The following ROPN1L variants were observed in gnomAD, a reference collection of about 807,000 sequenced individuals.
ROPN1L encodes rhophilin associated tail protein 1 like, also known as ropporin-1-like protein.
ROPN1L carries 23 observed loss-of-function variants against 22.7 expected under a neutral mutation model. The ratio of observed to expected loss-of-function variants is 1.01; its 90% CI spans 0.73 to 1.43. The LOEUF (loss-of-function observed/expected upper bound fraction) is 1.43. Ranked by LOEUF, ROPN1L falls within the 40% of genes most tolerant of loss-of-function variation. The pLI is 0.00. For missense variants in ROPN1L, 271 were observed against 291.5 expected (o/e 0.93, Z 0.51); for synonymous variants, 116 against 117.8 (o/e 0.98, Z 0.10).
intron 1 of ROPN1L, 110 bp from the exon 2 acceptor site, chr5:10,448,150 A>T: frequency 7.8e-7 from 1 of 1,279,484 alleles, no homozygotes. Flanking sequence ...GTTGGTCTTC[A>T]GAGCTGTCCT....
intron 1 of ROPN1L, among the ~76,000 whole-genome samples, chr5:10,444,424 G>A (rs1740989428): frequency 6.6e-6 from 1 of 152,018 alleles, no homozygotes; most frequent in Non-Finnish European, 1.5e-5. Flanking sequence ...CCAAGTAACT[G>A]GGATTACAGG....
At chr5:10,464,798 G>A (rs746886378) in intron 4 of ROPN1L, 50 bp from the exon 5 acceptor site, 4 of 1,075,614 alleles carry the variant, frequency 3.7e-6, no homozygotes, top group South Asian at 1.5e-5. Context: ...ATGTTACTAA[G>A]TATATGATGA....
At chr5:10,442,870 G>T (rs16884691) in intron 1 of ROPN1L, among the ~76,000 whole-genome samples, 7,846 of 152,238 alleles carry the variant, frequency 0.052, 683 homozygotes, top group African/African-American at 0.18. Context: ...TCCAACACTT[G>T]CCAGGAACAG....
At chr5:10,459,435 AG>A (rs1263977625) in intron 3 of ROPN1L, among the ~76,000 whole-genome samples, 1 of 151,296 alleles carries the variant, frequency 6.6e-6, no homozygotes, top group Non-Finnish European at 1.5e-5. Flanking sequence ...AACACTCTAC[AG>A]TGCTCCGTCT....
chr5:10,445,796 G>A (rs545038233), intron 1 of ROPN1L, among the ~76,000 whole-genome samples: 2 of 152,184 alleles, frequency 1.3e-5, no homozygotes, highest in African/African-American at 4.8e-5. Flanking sequence ...GGTGATGCAT[G>A]TCTGTAATCC....
intron 4 of ROPN1L, chr5:10,471,776 T>C (rs1336443449): frequency 5.2e-5 from 8 of 152,490 alleles, no homozygotes. Flanking sequence ...ATACCCTCCT[T>C]CCATTTGTCT....
intron 3 of ROPN1L, among the ~76,000 whole-genome samples, chr5:10,454,251 C>T (rs1387957129): frequency 6.6e-6 from 1 of 152,090 alleles, no homozygotes; most frequent in Admixed American, 6.6e-5. Flanking sequence ...CTCAGCCTCC[C>T]AAGTCGGGAT....
chr5:10,471,905 G>A (rs1041935725), exon 5 of ROPN1L: 2 of 152,334 alleles, frequency 1.3e-5, no homozygotes, highest in Non-Finnish European at 2.9e-5. Flanking sequence ...GGAAGAGCCA[G>A]GAGAGGCTAA....
At chr5:10,450,134 T>C in intron 3 of ROPN1L, 21 bp downstream of exon 3, 5 of 1,542,940 alleles carry the variant, frequency 3.2e-6, no homozygotes, top group Non-Finnish European at 3.5e-6. Flanking sequence ...ATAAACAGCA[T>C]ATTAATAATT....
In ROPN1L at chr5:10,456,330, A is replaced by C. The variant is rs552806134; in HGVS notation, c.418-4854A>C. The stretch of plus-strand genomic sequence containing the variant: ...AGTGAAACCCCCGTCTCTACTAAAA[A>C]TACAAAAATTAGCTGGGCATGGTGG... On this transcript the variant is annotated intron_variant, in intron 3 of 4. Transcript: ENST00000274134. Among the ~76,000 whole-genome samples, 5 of 152,336 alleles carry C rather than the reference A, an allele frequency of 3.3e-5. No homozygotes were observed. The South Asian group carries it at 1.0e-3, about 32-fold the overall frequency.
At position 10,448,275 on chromosome 5, in the gene ROPN1L, G is replaced by T. The variant is rs755003355; in HGVS notation, c.147G>T (p.Leu49=). 1.1e-5 allele frequency: 17 copies of T among 1,614,056 alleles called. No individual in the cohort carries two copies. In the African/African-American group the frequency reaches 1.7e-4, roughly 16 times the overall value. The change falls in exon 2 of 5, where the codon CTG becomes CTT. Residue 49 remains leucine, a synonymous_variant. Coordinates refer to ENST00000274134, the MANE Select transcript of ROPN1L (RefSeq NM_031916.5). ...LRWSAGYFSA[L]SRGDPLPVKD... ...TATTTATTAGCTATTTTTCAGCTCT[G>T]TCGAGAGGAGATCCACTTCCTGTAA...
intron 4 of ROPN1L, among the ~76,000 whole-genome samples, chr5:10,470,413 C>G (rs1247916756): frequency 6.6e-6 from 1 of 152,242 alleles, no homozygotes; most frequent in African/African-American, 2.4e-5. Flanking sequence ...TCCTTCTGCC[C>G]AGGGTCCAGG....
intron 3 of ROPN1L, among the ~76,000 whole-genome samples, chr5:10,460,437 G>A (rs1435432225): frequency 1.3e-5 from 2 of 152,206 alleles, no homozygotes; most frequent in Non-Finnish European, 2.9e-5. Context: ...CCCCACCCCC[G>A]CAGGGACTTG....
At chr5:10,482,773 C>G in the ROPN1L span, among the ~76,000 whole-genome samples, 2 of 152,186 alleles carry the variant, frequency 1.3e-5, no homozygotes, top group Non-Finnish European at 2.9e-5. Context: ...TTTGCAGTTG[C>G]AATCAGTGAA....
downstream of ROPN1L, among the ~76,000 whole-genome samples, chr5:10,469,684 G>T (rs1416740235): frequency 1.3e-5 from 2 of 152,204 alleles, no homozygotes; most frequent in Non-Finnish European, 2.9e-5. Flanking sequence ...TTAAGTCTTT[G>T]TCCAGGCAGC....
chr5:10,467,816 A>T (rs976549083), downstream of ROPN1L, among the ~76,000 whole-genome samples: 18 of 152,272 alleles, frequency 1.2e-4, no homozygotes, highest in Non-Finnish European at 2.5e-4. Context: ...CCGTCTGAAC[A>T]CCTGTGTCGT....
At chr5:10,467,863 G>T (rs71599531), downstream of ROPN1L, among the ~76,000 whole-genome samples, 786 of 152,316 alleles carry the variant, frequency 5.2e-3, 8 homozygotes, top group Non-Finnish European at 8.2e-3. Context: ...GCCTCATTCG[G>T]AGGATAAGCA....
chr5:10,481,832 TATA>T, the ROPN1L span: 5 of 152,186 alleles, frequency 3.3e-5, no homozygotes, highest in African/African-American at 1.2e-4. Flanking sequence ...ATGTTATCTT[TATA>T]ATATTAGGTA....
At chr5:10,473,721 C>T (rs555662224), downstream of ROPN1L, among the ~76,000 whole-genome samples, 27 of 152,212 alleles carry the variant, frequency 1.8e-4, no homozygotes, top group Non-Finnish European at 3.5e-4. Flanking sequence ...CTTTTGATTC[C>T]GAAAATAACA....
Sources: allele counts gnomAD v4.1 joint callset (sites outside exome capture counted in the v4.1 genomes callset), GRCh38; gene constraint gnomAD v4.1.1; transcripts MANE v1.5; gene names NCBI Gene and HGNC (gene_info 2026-07-23, HGNC 2026-07-21).